Variants in ATIC observed in about 807,000 individuals in gnomAD.
The protein encoded by ATIC is bifunctional purine biosynthesis protein ATIC.
Under a neutral mutation model 72.5 loss-of-function variants are expected in ATIC, and 64 were observed. That is an observed-to-expected ratio of 0.88 (90% confidence interval 0.72 to 1.09). The LOEUF is 1.09. Among genes scored for constraint, ATIC ranks in the 50% least tolerant of loss-of-function variants. ATIC has a pLI of 0.00. For missense variants in ATIC, 787 were observed against 732.4 expected (o/e 1.07, Z -0.86); for synonymous variants, 281 against 267.1 (o/e 1.05, Z -0.51).
Position 215,319,684 on chromosome 2 carries a change from T to A in ATIC, c.243T>A (p.Ile81=). 1 of 1,611,916 alleles carries A rather than the reference T, an allele frequency of 6.2e-7. No individual in the cohort carries two copies. The highest frequency in any genetic ancestry group is 8.5e-7 in the Non-Finnish European group (1 of 1,178,006). Residue 81 remains isoleucine, a synonymous_variant, in exon 4 of 16, where the codon ATT becomes ATA. Coordinates refer to ENST00000236959, the MANE Select transcript of ATIC (RefSeq NM_004044.7). ...AVHAGILARN[I]PEDNADMARL... Reference sequence around the variant, plus strand: ...AATTAGGAATCCTAGCTCGTAATATTCCAGAAGATAATGCTGACATGGCCA... The same window carrying A: ...AATTAGGAATCCTAGCTCGTAATATACCAGAAGATAATGCTGACATGGCCA...
In ATIC at chr2:215,338,820, T is replaced by C; in HGVS notation, c.1140T>C (p.Thr380=). 6.2e-7 allele frequency: 1 copy of C among 1,613,850 alleles called. No homozygotes were observed. Among genetic ancestry groups the C allele is most frequent in the Non-Finnish European group, 8.5e-7 (1 of 1,179,870 alleles). Residue 380 remains threonine, a synonymous_variant, in exon 12 of 16, where the codon ACT becomes ACC. Coordinates refer to ENST00000236959, the MANE Select transcript of ATIC (RefSeq NM_004044.7). ...SYKPDENEVR[T]LFGLHLSQKR... ...AACCAGATGAAAATGAAGTTCGAAC[T>C]CTCTTTGGTCTTCATTTAAGCCAGA...
intron 12 of ATIC, among the ~76,000 whole-genome samples, chr2:215,343,419 C>T (rs1406085665): frequency 6.6e-6 from 1 of 152,166 alleles, no homozygotes; most frequent in East Asian, 1.9e-4. Context: ...TCACTGCAGC[C>T]TCCACCACCC....
At chr2:215,361,713 G>T in the ATIC span, 1 of 1,089,424 alleles carries the variant, frequency 9.2e-7, no homozygotes, top group Non-Finnish European at 1.4e-6. Context: ...GGGGACTCAT[G>T]ACAGCTGCTT....
the ATIC span, chr2:215,362,357 C>T: frequency 4.5e-6 from 2 of 444,328 alleles, no homozygotes; most frequent in Non-Finnish European, 8.3e-6. Flanking sequence ...TCTGCTGAGG[C>T]TCATTCCAAT....
chr2:215,342,067 T>C (rs2053025414), intron 12 of ATIC, among the ~76,000 whole-genome samples: 1 of 152,162 alleles, frequency 6.6e-6, no homozygotes, highest in Non-Finnish European at 1.5e-5. Flanking sequence ...TGGGGGAAAC[T>C]GCCCCCATGA....
In ATIC at chr2:215,326,159, A is replaced by G. The variant is rs1206510931; in HGVS notation, c.531+21A>G. ...TGAAGGTGGGATGCACTTTCATGAT[A>G]TTGTAAGTTACATCCATGGAGTGCA... On this transcript the variant is annotated intron_variant, in intron 6 of 15. Coordinates refer to ENST00000236959, the MANE Select transcript of ATIC (RefSeq NM_004044.7). 4 of 1,613,376 alleles carry G rather than the reference A, an allele frequency of 2.5e-6. No individual in the cohort carries two copies. The Admixed American group carries it at 5.0e-5, about 20-fold the overall frequency.
chr2:215,360,662 TA>T, the ATIC span: 1 of 152,370 alleles, frequency 6.6e-6, no homozygotes, highest in African/African-American at 2.4e-5. Flanking sequence ...GCAGAAAGTG[TA>T]AAGCTATCTC....
chr2:215,356,872 A>G, the ATIC span, among the ~76,000 whole-genome samples: 3 of 152,232 alleles, frequency 2.0e-5, no homozygotes, highest in African/African-American at 2.4e-5. Flanking sequence ...TTTGGCTACT[A>G]TGAATGATGC....
At chr2:215,335,069 A>G (rs2052939958) in intron 10 of ATIC, 65 bp downstream of exon 10, 4 of 1,110,504 alleles carry the variant, frequency 3.6e-6, no homozygotes, top group Non-Finnish European at 5.4e-6. Context: ...CATAATGTTA[A>G]TTGAAACCAT....
At chr2:215,330,265 C>G (rs1412541549) in intron 7 of ATIC, among the ~76,000 whole-genome samples, 1 of 152,104 alleles carries the variant, frequency 6.6e-6, no homozygotes, top group African/African-American at 2.4e-5. Context: ...TTCTTCTGTG[C>G]CTCTCGCATA....
At chr2:215,333,025 G>A (rs527898971) in intron 8 of ATIC, among the ~76,000 whole-genome samples, 9 of 152,126 alleles carry the variant, frequency 5.9e-5, no homozygotes, top group Admixed American at 2.6e-4. Context: ...AATAAATGAT[G>A]TGTGATATCA....
chr2:215,331,562 T>C (rs1165983948), intron 7 of ATIC, among the ~76,000 whole-genome samples: 1 of 152,022 alleles, frequency 6.6e-6, no homozygotes, highest in East Asian at 1.9e-4. Flanking sequence ...TTTGTGTTTT[T>C]AGTAGAGACG....
At chr2:215,339,643 T>C (rs1003788181) in intron 12 of ATIC, among the ~76,000 whole-genome samples, 5 of 152,202 alleles carry the variant, frequency 3.3e-5, no homozygotes, top group South Asian at 2.1e-4. Context: ...TTTTTTATTT[T>C]ATTTTTTCTG....
intron 4 of ATIC, among the ~76,000 whole-genome samples, chr2:215,321,795 T>C (rs2052770256): frequency 6.6e-6 from 1 of 152,266 alleles, no homozygotes. Flanking sequence ...TTGAGACCTC[T>C]TGTCCATTTT....
chr2:215,321,647 T>A (rs1451742675), intron 4 of ATIC, among the ~76,000 whole-genome samples: 1 of 152,204 alleles, frequency 6.6e-6, no homozygotes, highest in East Asian at 1.9e-4. Context: ...AACGTTACTA[T>A]CTGTCTTTTT....
intron 12 of ATIC, among the ~76,000 whole-genome samples, chr2:215,341,151 T>C (rs1273925591): frequency 1.3e-5 from 2 of 152,230 alleles, no homozygotes; most frequent in Admixed American, 1.3e-4. Flanking sequence ...TTTTGTTTGA[T>C]TTAATGGATA....
the ATIC span, chr2:215,361,419 G>A: frequency 4.1e-5 from 32 of 776,870 alleles, no homozygotes; most frequent in South Asian, 3.9e-4. Flanking sequence ...GAGTTGAGCT[G>A]AAGCTGGAGA....
At chr2:215,351,566 T>C (rs2053130771), downstream of ATIC, among the ~76,000 whole-genome samples, 2 of 152,100 alleles carry the variant, frequency 1.3e-5, no homozygotes, top group Non-Finnish European at 2.9e-5. Flanking sequence ...CTGGGCAACA[T>C]AGCGACATCC....
chr2:215,329,169 TC>T (rs1165307359), intron 7 of ATIC, among the ~76,000 whole-genome samples: 1 of 152,236 alleles, frequency 6.6e-6, no homozygotes, highest in Non-Finnish European at 1.5e-5. Flanking sequence ...TTGTAGGACT[TC>T]TTGAAACTGA....
Sources: allele counts gnomAD v4.1 joint callset (sites outside exome capture counted in the v4.1 genomes callset), GRCh38; gene constraint gnomAD v4.1.1; transcripts MANE v1.5; gene names NCBI Gene and HGNC (gene_info 2026-07-23, HGNC 2026-07-21).